Variants in RAB7A observed in about 807,000 individuals in gnomAD.
The protein encoded by RAB7A is RAB7A, member RAS oncogene family, also known as ras-related protein Rab-7a.
A neutral mutation model predicts 24.5 loss-of-function variants in RAB7A; 2 were observed. The observed-to-expected ratio is 0.08, with a 90% CI of 0.03 to 0.26. RAB7A has a LOEUF of 0.26. Among genes scored for constraint, RAB7A ranks in the 10% least tolerant of loss-of-function variants. The probability of loss-of-function intolerance (pLI) is 1.00; values close to 1 mark genes in which losing one functional copy is unlikely to be tolerated. For synonymous variants in RAB7A, 100 were observed against 95.9 expected, an observed-to-expected ratio of 1.04 and a Z score of -0.25; for missense variants, 118 against 255.7, an observed-to-expected ratio of 0.46 and a Z score of 3.67.
chr3:128,736,532 A>C (rs747071616), intron 1 of RAB7A, among the ~76,000 whole-genome samples: 10 of 152,162 alleles, frequency 6.6e-5, no homozygotes, highest in Non-Finnish European at 1.5e-4. Flanking sequence ...TACTCCAACC[A>C]AAGGAGCAGC....
intron 1 of RAB7A, among the ~76,000 whole-genome samples, chr3:128,770,221 T>C (rs2070872545): frequency 6.6e-6 from 1 of 152,152 alleles, no homozygotes; most frequent in African/African-American, 2.4e-5. Context: ...CAGGCTGGTT[T>C]CGAACTCCTG....
In RAB7A at chr3:128,764,884, T is replaced by G. The variant is rs968928626; in HGVS notation, c.-8-30476T>G. ...GGCAAAGTTCCTCAAAGCCACATCA[T>G]CGCGGTCAAAGTTGTAAGACACGGA... is the stretch of plus-strand genomic sequence containing the variant. On this transcript the variant is annotated intron_variant, in intron 1 of 5. Transcript: ENST00000265062. The G allele has an allele frequency of 3.6e-6, 5 of 1,393,100 alleles. No individual in the cohort carries two copies. The African/African-American group carries it at 7.1e-5, about 20-fold the overall frequency. The allele number at this position is 1,393,100 out of a possible 1,614,324, so 86.3% of individuals were successfully genotyped here.
chr3:128,763,686 G>A (rs1293066262), intron 1 of RAB7A, among the ~76,000 whole-genome samples: 1 of 152,138 alleles, frequency 6.6e-6, no homozygotes, highest in African/African-American at 2.4e-5. Flanking sequence ...TGATTAGGAA[G>A]TGCTCTGTGG....
At chr3:128,788,568 G>A (rs1453579534) in intron 1 of RAB7A, among the ~76,000 whole-genome samples, 2 of 152,132 alleles carry the variant, frequency 1.3e-5, no homozygotes, top group African/African-American at 4.8e-5. Flanking sequence ...GGGTCTTGGG[G>A]CCTACCCCCC....
chr3:128,734,433 C>T (rs528103682), intron 1 of RAB7A, among the ~76,000 whole-genome samples: 3 of 128,710 alleles, frequency 2.3e-5, no homozygotes, highest in African/African-American at 5.8e-5. Flanking sequence ...CTAGCCTGGG[C>T]GACAGAATGA....
At chr3:128,737,649 C>G (rs1327585971) in intron 1 of RAB7A, among the ~76,000 whole-genome samples, 1 of 148,956 alleles carries the variant, frequency 6.7e-6, no homozygotes, top group African/African-American at 2.5e-5. Flanking sequence ...CTTTCTGTCT[C>G]TCTTTTTTTT....
intron 1 of RAB7A, among the ~76,000 whole-genome samples, chr3:128,738,474 T>C (rs2070514926): frequency 6.6e-6 from 1 of 152,236 alleles, no homozygotes; most frequent in South Asian, 2.1e-4. Flanking sequence ...CTTTGTTCCC[T>C]ACTTCCTTTA....
At chr3:128,745,111 T>C (rs1394710726) in intron 1 of RAB7A, among the ~76,000 whole-genome samples, 4 of 151,982 alleles carry the variant, frequency 2.6e-5, no homozygotes, top group Non-Finnish European at 2.9e-5. Context: ...CCTGACCTCA[T>C]GATCCACCCG....
chr3:128,758,429 C>T (rs1046588399), intron 1 of RAB7A, among the ~76,000 whole-genome samples: 3 of 150,720 alleles, frequency 2.0e-5, no homozygotes, highest in East Asian at 1.9e-4. Flanking sequence ...CCCGCCACTA[C>T]GCCCAGCTAA....
At chr3:128,775,846 A>T (rs1278317600) in intron 1 of RAB7A, among the ~76,000 whole-genome samples, 1 of 152,174 alleles carries the variant, frequency 6.6e-6, no homozygotes, top group East Asian at 1.9e-4. Context: ...ACATTGTAGA[A>T]TGGCTGTATC....
At position 128,804,309 on chromosome 3, in the gene RAB7A, C is replaced by A. The variant is rs375149528; in HGVS notation, c.181-2063C>A. Among the ~76,000 whole-genome samples, 16 of 152,324 alleles carry A rather than the reference C, an allele frequency of 1.1e-4. 1 individual carries two copies. Among genetic ancestry groups the A allele is most frequent in the Admixed American group, 3.3e-4 (5 of 15,306 alleles). ...CTCCTATATACATATCCTGACATCA[C>A]CCCTCCCCACAGGAAAGCCCTTTAA... On this transcript the variant is annotated intron_variant, in intron 3 of 5. Transcript: ENST00000265062.
At chr3:128,783,462 G>A (rs935797787) in intron 1 of RAB7A, among the ~76,000 whole-genome samples, 3 of 152,036 alleles carry the variant, frequency 2.0e-5, no homozygotes, top group Admixed American at 1.3e-4. Context: ...TAGGGGGTGA[G>A]GTGGGACCCT....
Position 128,749,460 on chromosome 3 carries a change from G to A in RAB7A, c.-9+23101G>A, listed in dbSNP as rs1389447073. The A allele has an allele frequency of 3.3e-5, 5 of 152,148 alleles. No homozygotes were observed. In the East Asian group the frequency reaches 5.8e-4, roughly 18 times the overall value. The allele number at this position is 152,148 out of a possible 1,614,324, so 9.4% of individuals were successfully genotyped here. A position where few individuals can be genotyped will look rare whatever the true frequency, so the allele number is the denominator to read the frequency against. On this transcript the variant is annotated intron_variant, in intron 1 of 5. Coordinates refer to ENST00000265062, the MANE Select transcript of RAB7A (RefSeq NM_004637.6). ...AGCTTCACCTTAGCGAAGCTACCCCGGCCGATGGTCTTGAGGACCCTGTAA... is the reference window on the plus strand; with the variant it reads ...AGCTTCACCTTAGCGAAGCTACCCCAGCCGATGGTCTTGAGGACCCTGTAA...
chr3:128,733,306 G>A (rs2070456285), intron 1 of RAB7A, among the ~76,000 whole-genome samples: 1 of 152,156 alleles, frequency 6.6e-6, no homozygotes, highest in African/African-American at 2.4e-5. Flanking sequence ...CATACACTGT[G>A]TATTCTTGCG....
chr3:128,795,081 A>G (rs1314083063), intron 1 of RAB7A, among the ~76,000 whole-genome samples: 3 of 152,160 alleles, frequency 2.0e-5, no homozygotes, highest in Non-Finnish European at 4.4e-5. Flanking sequence ...CAAATTGCCA[A>G]TCCATTCAAT....
At chr3:128,739,202 A>G (rs922830536) in intron 1 of RAB7A, among the ~76,000 whole-genome samples, 1 of 152,198 alleles carries the variant, frequency 6.6e-6, no homozygotes, top group African/African-American at 2.4e-5. Flanking sequence ...TCTAAATTAC[A>G]GAAGCAGTAT....
At chr3:128,758,291 G>A (rs1448900024) in intron 1 of RAB7A, among the ~76,000 whole-genome samples, 2 of 62,062 alleles carry the variant, frequency 3.2e-5, no homozygotes, top group Non-Finnish European at 6.3e-5. Context: ...TTTTTTTTTT[G>A]AGACAGAGTC....
intron 1 of RAB7A, among the ~76,000 whole-genome samples, chr3:128,733,786 T>TGG (rs2070460906): frequency 6.6e-6 from 1 of 152,202 alleles, no homozygotes; most frequent in Non-Finnish European, 1.5e-5. Flanking sequence ...TCTGATATAT[T>TGG]GGGGATTAGA....
chr3:128,774,778 T>A (rs1468545287), intron 1 of RAB7A, among the ~76,000 whole-genome samples: 1 of 152,194 alleles, frequency 6.6e-6, no homozygotes, highest in Non-Finnish European at 1.5e-5. Flanking sequence ...TTCACCGTGT[T>A]AGCCAGGATG....
Sources: gnomAD v4.1 joint callset for allele counts (sites outside exome capture counted in the v4.1 genomes callset) on GRCh38, gnomAD v4.1.1 for gene constraint, MANE v1.5 for transcripts, NCBI Gene and HGNC (gene_info 2026-07-23, HGNC 2026-07-21) for gene names.